The following TFDP2 variants were observed in gnomAD, a reference collection of about 807,000 sequenced individuals.
TFDP2 encodes the protein transcription factor Dp-2.
Under a neutral mutation model 59.3 loss-of-function variants are expected in TFDP2, and 17 were observed. The observed-to-expected ratio is 0.29, with a 90% confidence interval of 0.20 to 0.43. TFDP2 has a LOEUF of 0.43. Ranked by LOEUF, TFDP2 falls within the 20% of genes least tolerant of loss-of-function variation. The pLI is 1.00. For synonymous variants in TFDP2, 180 were observed against 194.7 expected (o/e 0.92, Z 0.63); for missense variants, 391 against 528.8 (o/e 0.74, Z 2.56).
At position 142,038,305 on chromosome 3, in the gene TFDP2, A is replaced by G. The variant is rs771121852; in HGVS notation, c.83-32761T>C. On this transcript the variant is annotated intron_variant, in intron 3 of 12. Transcript: ENST00000489671. The stretch of plus-strand genomic sequence containing the variant: ...AGGCTGAGGCAAGAGAATGGCGTGA[A>G]CCCGGGAGGCAGAGCTTGCAGTGAG... 4.1e-5 allele frequency among the ~76,000 whole-genome samples: 6 copies of G among 147,108 alleles called. No homozygotes were observed. In the South Asian group the frequency reaches 1.3e-3, roughly 32 times the overall value.
intron 3 of TFDP2, among the ~76,000 whole-genome samples, chr3:142,089,417 A>T (rs557781636): frequency 2.9e-4 from 44 of 152,304 alleles, no homozygotes; most frequent in Non-Finnish European, 5.4e-4. Context: ...GTAGGAAAAA[A>T]ATGAACCTAA....
At chr3:142,077,105 A>T (rs913435679) in intron 3 of TFDP2, among the ~76,000 whole-genome samples, 1 of 152,116 alleles carries the variant, frequency 6.6e-6, no homozygotes, top group Admixed American at 6.5e-5. Flanking sequence ...ACTGGGCAGA[A>T]CTCAGCTGAT....
intron 9 of TFDP2, among the ~76,000 whole-genome samples, chr3:141,968,337 AAT>A (rs1246598689): frequency 8.4e-6 from 1 of 119,642 alleles, no homozygotes; most frequent in Admixed American, 9.5e-5. Flanking sequence ...TAATATATAT[AAT>A]ATATAACTAT....
intron 3 of TFDP2, among the ~76,000 whole-genome samples, chr3:142,024,893 G>A (rs1257679307): frequency 3.3e-5 from 5 of 151,940 alleles, no homozygotes; most frequent in East Asian, 1.9e-4. Context: ...GGTGGCGGGC[G>A]CCTGTAATCT....
intron 3 of TFDP2, among the ~76,000 whole-genome samples, chr3:142,063,625 T>C (rs1576880441): frequency 6.6e-6 from 1 of 152,320 alleles, no homozygotes; most frequent in East Asian, 1.9e-4. Context: ...ACATTAAAAT[T>C]GGTAAAGGGT....
chr3:142,112,360 CA>C (rs556684953), intron 1 of TFDP2, among the ~76,000 whole-genome samples: 17 of 152,046 alleles, frequency 1.1e-4, no homozygotes, highest in Admixed American at 2.6e-4. Flanking sequence ...ATAAGAAAAA[CA>C]AAAAAAATTC....
rs1160422187 is a variant in TFDP2 at position 142,044,214 on chromosome 3, A to G, written c.83-38670T>C. The G allele has an allele frequency of 5.4e-5, 16 of 296,664 alleles. No individual in the cohort carries two copies. In the South Asian group the frequency reaches 5.9e-4, roughly 11 times the overall value. 18.4% of individuals were successfully genotyped at this position (296,664 alleles called of 1,614,324 possible). A position where few individuals can be genotyped will look rare whatever the true frequency, so the allele number is the denominator to read the frequency against. On this transcript the variant is annotated intron_variant, in intron 3 of 12. Transcript: ENST00000489671. ...GCATACTCATGGCTGCGGCGGCGGCAGCAGCAAAAGGGTTTTTTTTTTTTT... is the reference window on the plus strand; with the variant it reads ...GCATACTCATGGCTGCGGCGGCGGCGGCAGCAAAAGGGTTTTTTTTTTTTT...
intron 3 of TFDP2, among the ~76,000 whole-genome samples, chr3:142,077,134 T>C (rs937538104): frequency 3.3e-5 from 5 of 152,152 alleles, no homozygotes; most frequent in African/African-American, 4.8e-5. Context: ...AGGGAACATA[T>C]AGAACAGCTC....
At chr3:142,048,566 A>G (rs1397123618) in intron 3 of TFDP2, among the ~76,000 whole-genome samples, 2 of 152,042 alleles carry the variant, frequency 1.3e-5, no homozygotes, top group African/African-American at 4.8e-5. Flanking sequence ...CTCTGATTTG[A>G]AAGACCTGAT....
rs967448821 is a variant in TFDP2, at chr3:141,978,452, A to G, written c.519+68T>C. 2.0e-6 allele frequency: 3 copies of G among 1,473,048 alleles called. No individual in the cohort carries two copies. In the South Asian group the frequency reaches 4.0e-5, roughly 20 times the overall value. 91.2% of individuals were successfully genotyped at this position (1,473,048 alleles called of 1,614,324 possible). ...AGTATAGTCGTGATTCCTCAAATCT[A>G]TAACAAAGATAACACAAAGAAGTAG... On this transcript the variant is annotated intron_variant, in intron 7 of 12. Transcript: ENST00000489671.
At position 141,999,190 on chromosome 3, in the gene TFDP2, G is replaced by A. The variant is rs779829719; in HGVS notation, c.187-4049C>T. Among the ~76,000 whole-genome samples, 28 of 152,160 alleles carry A rather than the reference G, an allele frequency of 1.8e-4. 1 individual carries two copies. The highest frequency in any genetic ancestry group is 4.0e-4 in the Non-Finnish European group (27 of 68,036). On this transcript the variant is annotated intron_variant, in intron 4 of 12. Transcript: ENST00000489671. ...TGCTCAACGTGAAGACGTCGAGGATGAAGACTTTTATGATAATCCACTTCC... is the reference window on the plus strand; with the variant it reads ...TGCTCAACGTGAAGACGTCGAGGATAAAGACTTTTATGATAATCCACTTCC...
chr3:142,080,475 A>C (rs985972296), intron 3 of TFDP2, among the ~76,000 whole-genome samples: 10 of 152,190 alleles, frequency 6.6e-5, no homozygotes, highest in African/African-American at 2.4e-4. Flanking sequence ...ATACAATAAA[A>C]TGGCGGGAGT....
intron 9 of TFDP2, among the ~76,000 whole-genome samples, chr3:141,964,705 G>A (rs1937683000): frequency 6.6e-6 from 1 of 152,016 alleles, no homozygotes; most frequent in East Asian, 1.9e-4. Context: ...TGCTGTTGAG[G>A]CTGGCTGCAG....
At chr3:142,093,182 C>T (rs977235183) in intron 2 of TFDP2, 55 bp from the exon 3 acceptor site, 25 of 1,213,086 alleles carry the variant, frequency 2.1e-5, no homozygotes, top group African/African-American at 3.0e-5. Context: ...TATGTGTTCA[C>T]TTAACAAGCT....
intron 12 of TFDP2, 25 bp downstream of exon 12, chr3:141,952,886 T>A: frequency 6.2e-7 from 1 of 1,607,044 alleles, no homozygotes; most frequent in Non-Finnish European, 8.5e-7. Context: ...GGGTTTGCCT[T>A]TCTAACCCTG....
chr3:142,018,697 G>A (rs1273364652), intron 3 of TFDP2, among the ~76,000 whole-genome samples: 2 of 151,980 alleles, frequency 1.3e-5, no homozygotes, highest in African/African-American at 4.8e-5. Context: ...CTCCCACCTC[G>A]GCCTCCCAAA....
chr3:142,124,450 A>C (rs2062161736), intron 1 of TFDP2, among the ~76,000 whole-genome samples: 1 of 152,190 alleles, frequency 6.6e-6, no homozygotes, highest in Non-Finnish European at 1.5e-5. Flanking sequence ...TGACACTTCA[A>C]ATCAGTGAGG....
chr3:142,125,290 G>A (rs1378750469), intron 1 of TFDP2, among the ~76,000 whole-genome samples: 1 of 152,096 alleles, frequency 6.6e-6, no homozygotes, highest in African/African-American at 2.4e-5. Flanking sequence ...TGTAAAATAA[G>A]GTTTCAAGAC....
chr3:142,094,899 T>G (rs1327765310), intron 2 of TFDP2, among the ~76,000 whole-genome samples: 1 of 152,188 alleles, frequency 6.6e-6, no homozygotes, highest in African/African-American at 2.4e-5. Context: ...ACATCAGATC[T>G]CCAGCAATCT....
Sources: gnomAD v4.1 joint callset for allele counts (sites outside exome capture counted in the v4.1 genomes callset) on GRCh38, gnomAD v4.1.1 for gene constraint, MANE v1.5 for transcripts, NCBI Gene and HGNC (gene_info 2026-07-23, HGNC 2026-07-21) for gene names.